The following POP1 variants were observed in gnomAD, a reference collection of about 807,000 sequenced individuals.
The protein encoded by POP1 is POP1 ribonuclease P/MRP subunit.
A neutral mutation model predicts 102.2 loss-of-function variants in POP1; 75 were observed. The observed-to-expected ratio is 0.73, with a 90% CI of 0.61 to 0.89. The LOEUF (loss-of-function observed/expected upper bound fraction) is 0.89, where lower values mean the gene tolerates loss of function less well. POP1 is among the 40% of genes least tolerant of loss of function. The pLI is 0.00. For missense variants in POP1, 1,116 were observed against 1,267.4 expected (o/e 0.88, Z 1.81); for synonymous variants, 436 against 464.1 (o/e 0.94, Z 0.78).
Position 98,127,640 on chromosome 8 carries a change from C to T in POP1, c.188C>T (p.Pro63Leu), listed in dbSNP as rs1028824582. The change falls in exon 3 of 16, where the codon CCC becomes CTC. Residue 63 changes from proline to leucine, a missense_variant. Physicochemically the swap from Pro to Leu is moderately conservative, Grantham distance 98. Coordinates refer to ENST00000401707, the MANE Select transcript of POP1 (RefSeq NM_001145860.2). ...TSRQRQTRVN[P>L]HSLPDPEVNE... ...CGACAGCGGCAAACCAGAGTCAACCCCCATTCTCTGCCTGACCCTGAAGTG... is the reference window on the plus strand; with the variant it reads ...CGACAGCGGCAAACCAGAGTCAACCTCCATTCTCTGCCTGACCCTGAAGTG... The T allele has an allele frequency of 1.9e-6, 3 of 1,614,154 alleles. No homozygotes were observed. The highest frequency in any genetic ancestry group is 4.5e-5 in the East Asian group (2 of 44,890).
chr8:98,133,021 T>C (rs1322259091), intron 5 of POP1, among the ~76,000 whole-genome samples: 1 of 114,982 alleles, frequency 8.7e-6, no homozygotes, highest in Admixed American at 1.2e-4. Context: ...AAGACCAGTC[T>C]GGGCAACATA....
At chr8:98,122,114 C>G (rs1816046451) in intron 1 of POP1, among the ~76,000 whole-genome samples, 1 of 152,186 alleles carries the variant, frequency 6.6e-6, no homozygotes, top group Admixed American at 6.5e-5. Context: ...TAGGCATGAG[C>G]CACCGCACCT....
At chr8:98,141,286 G>A (rs527936417) in intron 11 of POP1, among the ~76,000 whole-genome samples, 4 of 152,134 alleles carry the variant, frequency 2.6e-5, no homozygotes, top group African/African-American at 4.8e-5. Context: ...ATCCAGGTTC[G>A]AATCCTGGCA....
At chr8:98,150,721 A>T in intron 14 of POP1, 82 bp downstream of exon 14, 1 of 1,361,278 alleles carries the variant, frequency 7.3e-7, no homozygotes, top group South Asian at 1.2e-5. Flanking sequence ...AAACATTAGG[A>T]TGGCTTTGGT....
intron 12 of POP1, 67 bp from the exon 13 acceptor site, chr8:98,148,748 G>C: frequency 2.2e-6 from 3 of 1,392,678 alleles, no homozygotes; most frequent in Non-Finnish European, 3.0e-6. Flanking sequence ...GCTGCTTATA[G>C]GGAGACCCAG....
Position 98,140,896 on chromosome 8 carries a change from T to C in POP1, c.1594+8T>C, listed in dbSNP as rs375211533. The C allele has an allele frequency of 6.2e-6, 10 of 1,613,640 alleles. No homozygotes were observed. The highest frequency in any genetic ancestry group is 1.3e-5 in the African/African-American group (1 of 74,892). On this transcript the variant is annotated splice_region_variant and intron_variant, in intron 11 of 15. Coordinates refer to ENST00000401707, the MANE Select transcript of POP1 (RefSeq NM_001145860.2). Reference sequence around the variant, plus strand: ...ATCCAGAAAAATGCCAAGGTAAAGTTCCAAAAACACCCCAGGTTTTCCTTA... The same window carrying C: ...ATCCAGAAAAATGCCAAGGTAAAGTCCCAAAAACACCCCAGGTTTTCCTTA...
Position 98,140,759 on chromosome 8 carries a change from G to C in POP1, c.1475-10G>C. 1 of 1,613,366 alleles carries C rather than the reference G, an allele frequency of 6.2e-7. No homozygotes were observed. The highest frequency in any genetic ancestry group is 8.5e-7 in the Non-Finnish European group (1 of 1,179,394). On this transcript the variant is annotated splice_polypyrimidine_tract_variant and intron_variant, in intron 10 of 15. Coordinates refer to ENST00000401707, the MANE Select transcript of POP1 (RefSeq NM_001145860.2). ...GACTTTCTGTAAACTTCTTTTTGTT[G>C]TTGTTAAAGGAATAACATCACCAGC...
At chr8:98,156,874 ACC>A (rs1809664349) in intron 15 of POP1, among the ~76,000 whole-genome samples, 2 of 147,692 alleles carry the variant, frequency 1.4e-5, no homozygotes, top group Middle Eastern at 3.4e-3. Context: ...CTCATCAGTG[ACC>A]CTGCATTCTG....
Position 98,150,720 on chromosome 8 carries a change from G to A in POP1, c.2057+81G>A, listed in dbSNP as rs1809493512. 3.7e-6 allele frequency: 5 copies of A among 1,361,238 alleles called. No individual in the cohort carries two copies. The East Asian group carries it at 1.2e-4, about 32-fold the overall frequency. The allele number at this position is 1,361,238 out of a possible 1,614,324, so 84.3% of individuals were successfully genotyped here. A position where few individuals can be genotyped will look rare whatever the true frequency, so the allele number is the denominator to read the frequency against. ...CTTATATTGGTATCCCAAACATTAG[G>A]ATGGCTTTGGTAATTTCATAGACTT... On this transcript the variant is annotated intron_variant, in intron 14 of 15. Coordinates refer to ENST00000401707, the MANE Select transcript of POP1 (RefSeq NM_001145860.2).
chr8:98,140,250 A>G (rs1417969928), intron 10 of POP1, 61 bp downstream of exon 10: 4 of 1,352,986 alleles, frequency 3.0e-6, no homozygotes, highest in Non-Finnish European at 4.2e-6. Flanking sequence ...AGCCTTTTGC[A>G]GTTGGGCCTC....
At chr8:98,128,172 A>C (rs185235181) in intron 3 of POP1, among the ~76,000 whole-genome samples, 193 bp from the exon 4 acceptor site, 1 of 151,898 alleles carries the variant, frequency 6.6e-6, no homozygotes, top group African/African-American at 2.4e-5. Flanking sequence ...TCTTCACCCT[A>C]TGATCCCCAT....
chr8:98,149,679 C>T lies in POP1; in HGVS notation c.1902+673C>T, dbSNP rs561400405. On this transcript the variant is annotated intron_variant, in intron 13 of 15. Transcript: ENST00000401707. Reference sequence around the variant, plus strand: ...GGCTGAGGCATAAGAATCCCTTGAACCTGGGAGGCGGAGTTTCAGTGAGCT... The same window carrying T: ...GGCTGAGGCATAAGAATCCCTTGAATCTGGGAGGCGGAGTTTCAGTGAGCT... 2.0e-5 allele frequency among the ~76,000 whole-genome samples: 3 copies of T among 152,210 alleles called. No individual in the cohort carries two copies. The South Asian group carries it at 6.2e-4, about 32-fold the overall frequency.
rs1230764942 is a variant in POP1 at position 98,127,482 on chromosome 8, G to C, written c.143-113G>C. ...ATAAGTAGTAATAGCCACCTTACAG[G>C]GTGACTATAGGATTAAAAACATGGT... On this transcript the variant is annotated intron_variant, in intron 2 of 15. Coordinates refer to ENST00000401707, the MANE Select transcript of POP1 (RefSeq NM_001145860.2). 2.3e-6 allele frequency: 3 copies of C among 1,295,126 alleles called. No homozygotes were observed. In the African/African-American group the frequency reaches 4.4e-5, roughly 19 times the overall value. The allele number at this position is 1,295,126 out of a possible 1,614,324, so 80.2% of individuals were successfully genotyped here.
intron 1 of POP1, among the ~76,000 whole-genome samples, chr8:98,121,187 G>A (rs1209376947): frequency 6.6e-6 from 1 of 152,166 alleles, no homozygotes; most frequent in Admixed American, 6.5e-5. Context: ...GTGTAAAGAA[G>A]GAATTTGAAC....
Position 98,140,187 on chromosome 8 carries a change from G to C in POP1, c.1472G>C (p.Gly491Ala). ...CRQEAIFELL[G>A]GITSPAEIPA... Reference sequence around the variant, plus strand: ...CAAGAAGCCATTTTCGAGTTGTTGGGAGGTATACAAAGGGAAGACTGGGTT... The same window carrying C: ...CAAGAAGCCATTTTCGAGTTGTTGGCAGGTATACAAAGGGAAGACTGGGTT... Residue 491 changes from glycine to alanine, a missense_variant and splice_region_variant, in exon 10 of 16, where the codon GGA becomes GCA. Physicochemically the swap from Gly to Ala is moderately conservative, Grantham distance 60. Transcript: ENST00000401707. The C allele has an allele frequency of 6.2e-7, 1 of 1,613,862 alleles. No individual in the cohort carries two copies. Among genetic ancestry groups the C allele is most frequent in the South Asian group, 1.1e-5 (1 of 91,072 alleles).
chr8:98,155,856 T>G, intron 14 of POP1, 194 bp from the exon 15 acceptor site: 1 of 619,812 alleles, frequency 1.6e-6, no homozygotes, highest in Non-Finnish European at 2.7e-6. Flanking sequence ...ATTACAGGCA[T>G]GAGCCACTGA....
Position 98,148,882 on chromosome 8 carries a change from C to T in POP1, c.1778C>T (p.Ser593Phe). 6.2e-7 allele frequency: 1 copy of T among 1,613,920 alleles called. No individual in the cohort carries two copies. The highest frequency in any genetic ancestry group is 8.5e-7 in the Non-Finnish European group (1 of 1,179,932). The change falls in exon 13 of 16, where the codon TCC becomes TTC. Residue 593 changes from serine (S) to phenylalanine (F), a missense_variant. Transcript: ENST00000401707. Reference sequence around the variant, plus strand: ...CAGCTTATTTTAGGTCCCCATGAATCCAAGATACCTATACTTTTGATTCAG... The same window carrying T: ...CAGCTTATTTTAGGTCCCCATGAATTCAAGATACCTATACTTTTGATTCAG... ...GSQLILGPHE[S>F]KIPILLIQQP...
intron 1 of POP1, among the ~76,000 whole-genome samples, chr8:98,118,480 C>T (rs1215294452): frequency 6.6e-6 from 1 of 152,006 alleles, no homozygotes; most frequent in Non-Finnish European, 1.5e-5. Flanking sequence ...GGCTGGAGTA[C>T]AGTGGCATGA....
At chr8:98,123,061 T>C (rs926328342) in intron 1 of POP1, among the ~76,000 whole-genome samples, 1 of 152,254 alleles carries the variant, frequency 6.6e-6, no homozygotes, top group African/African-American at 2.4e-5. Context: ...GTGGCTCTTA[T>C]TTCATCTAAT....
Sources: gnomAD v4.1 joint callset for allele counts (sites outside exome capture counted in the v4.1 genomes callset) on GRCh38, gnomAD v4.1.1 for gene constraint, MANE v1.5 for transcripts, NCBI Gene and HGNC (gene_info 2026-07-23, HGNC 2026-07-21) for gene names.